SMOX: variants seen among roughly 807,000 people sequenced by gnomAD.
SMOX encodes spermine oxidase, also known as flavin containing amine oxidase.
Under a neutral mutation model 51.0 loss-of-function variants are expected in SMOX, and 22 were observed. The observed-to-expected ratio is 0.43, with a 90% confidence interval of 0.31 to 0.62. The LOEUF (loss-of-function observed/expected upper bound fraction) is 0.62. SMOX is among the 20% of genes least tolerant of loss of function. The pLI is 0.10. For missense variants in SMOX, 566 were observed against 777.7 expected (o/e 0.73, Z 3.24); for synonymous variants, 282 against 307.8 (o/e 0.92, Z 0.88).
chr20:4,156,635 C>A (rs1028506506), intron 1 of SMOX, among the ~76,000 whole-genome samples: 1 of 152,196 alleles, frequency 6.6e-6, no homozygotes, highest in Non-Finnish European at 1.5e-5. Context: ...GAGAGCCAGC[C>A]CTGGGTTCTT....
intron 1 of SMOX, among the ~76,000 whole-genome samples, chr20:4,151,643 G>T (rs898374388): frequency 6.6e-6 from 1 of 152,034 alleles, no homozygotes; most frequent in African/African-American, 2.4e-5. Flanking sequence ...TACTGGCCTG[G>T]CTTTTCTCCT....
chr20:4,183,619 A>G lies in SMOX; in HGVS notation c.1495A>G (p.Lys499Glu). Residue 499 changes from lysine to glutamate, a missense_variant, in exon 6 of 7, where the codon AAG becomes GAG. By Grantham distance (56) the Lys-to-Glu change is moderately conservative. Around this residue, in one of 3 missense-constraint regions of SMOX, gnomAD observed 347 missense variants for 481.8 expected, o/e 0.72. Transcript: ENST00000305958. This position sits in a 1 kb window ranked among gnomAD's most constrained non-coding sequence, Gnocchi z 4.3. The part of the protein sequence containing the change: ...SSGADVEKLA[K>E]PLPYTESSKT... ...CGGGGCGGATGTGGAGAAGCTGGCC[A>G]AGCCCCTGCCGTACACAGAGAGCTC... 6.2e-7 allele frequency: 1 copy of G among 1,601,638 alleles called. No homozygotes were observed. The highest frequency in any genetic ancestry group is 8.5e-7 in the Non-Finnish European group (1 of 1,173,448).
chr20:4,177,415 T>C lies in SMOX; in HGVS notation c.273T>C (p.His91=). The change falls in exon 3 of 7, where the codon CAT becomes CAC. Residue 91 remains histidine (H), a synonymous_variant. Transcript: ENST00000305958. The surrounding 1 kb of genome is among the most constrained non-coding windows in gnomAD (Gnocchi z 4.3). The stretch of plus-strand genomic sequence containing the variant: ...GCTCCCATGGGAACCCTATCTATCA[T>C]CTAGCAGAAGCCAACGGCCTCCTGG... ...IHGSHGNPIY[H]LAEANGLLEE... 6.4e-7 allele frequency: 1 copy of C among 1,559,064 alleles called. No individual in the cohort carries two copies. The highest frequency in any genetic ancestry group is 8.7e-7 in the Non-Finnish European group (1 of 1,150,566).
Position 4,183,312 on chromosome 20 carries a change from AGT to A in SMOX, c.1370-180_1370-179del. On this transcript the variant is annotated intron_variant, in intron 5 of 6. Coordinates refer to ENST00000305958, the MANE Select transcript of SMOX (RefSeq NM_175839.3). The surrounding 1 kb of genome is among the most constrained non-coding windows in gnomAD (Gnocchi z 4.3). The stretch of plus-strand genomic sequence containing the variant: ...TTGCCGGGGGTCACAGGAGGCGCTG[AGT>A]GGGTACACAGCTCGAGCCCCAGCCT... 1 of 785,274 alleles carries A rather than the reference AGT, an allele frequency of 1.3e-6. No individual in the cohort carries two copies. The highest frequency in any genetic ancestry group is 1.7e-5 in the South Asian group (1 of 59,246). The allele number at this position is 785,274 out of a possible 1,614,324, so 48.6% of individuals were successfully genotyped here. A position where few individuals can be genotyped will look rare whatever the true frequency, so the allele number is the denominator to read the frequency against.
At position 4,166,793 on chromosome 20, in the gene SMOX, A is replaced by G. The variant is rs1375399342; in HGVS notation, c.-26-8237A>G. 3.3e-5 allele frequency among the ~76,000 whole-genome samples: 5 copies of G among 152,058 alleles called. No individual in the cohort carries two copies. The highest frequency in any genetic ancestry group is 1.2e-4 in the African/African-American group (5 of 41,404). On this transcript the variant is annotated intron_variant, in intron 1 of 6. Coordinates refer to ENST00000305958, the MANE Select transcript of SMOX (RefSeq NM_175839.3). The surrounding 1 kb of genome is among the most constrained non-coding windows in gnomAD (Gnocchi z 4.2). Reference sequence around the variant, plus strand: ...CTCTGTCCCTCCATGCACTGAATCAATGGCTGCTTCTCCTTGCAACACATG... The same window carrying G: ...CTCTGTCCCTCCATGCACTGAATCAGTGGCTGCTTCTCCTTGCAACACATG...
At position 4,181,222 on chromosome 20, in the gene SMOX, C is replaced by T. The variant is rs1011586052; in HGVS notation, c.436-581C>T. Among the ~76,000 whole-genome samples, 3 of 152,298 alleles carry T rather than the reference C, an allele frequency of 2.0e-5. No individual in the cohort carries two copies. Among genetic ancestry groups the T allele is most frequent in the East Asian group, 1.9e-4 (1 of 5,182 alleles). On this transcript the variant is annotated intron_variant, in intron 3 of 6. Transcript: ENST00000305958. This position sits in a 1 kb window ranked among gnomAD's most constrained non-coding sequence, Gnocchi z 5.6. ...TTTTGTGTTCCTGTCTTCCCCACTG[C>T]GTCTCAGCTTCCTTACTCGTGGCTG...
intron 3 of SMOX, among the ~76,000 whole-genome samples, chr20:4,178,659 T>C (rs1446694521): frequency 6.6e-6 from 1 of 150,696 alleles, no homozygotes. Flanking sequence ...ACACCTATTG[T>C]GCATTTTCTT....
At chr20:4,162,441 G>A (rs1049251776) in intron 1 of SMOX, among the ~76,000 whole-genome samples, 26 of 152,242 alleles carry the variant, frequency 1.7e-4, no homozygotes, top group African/African-American at 6.3e-4. Context: ...GCCTCTGCAC[G>A]TGCAGTTTCC....
rs1056192830 is a variant in SMOX, at chr20:4,149,249, G to T, written c.-27+272G>T. ...GGGCCGGGGTGGCGGCGATCCCGGC[G>T]CCAGGGCTGCTCGGCCCGGGCCGGG... On this transcript the variant is annotated intron_variant, in intron 1 of 6. Coordinates refer to ENST00000305958, the MANE Select transcript of SMOX (RefSeq NM_175839.3). This position sits in a 1 kb window ranked among gnomAD's most constrained non-coding sequence, Gnocchi z 6.0. 6.6e-6 allele frequency among the ~76,000 whole-genome samples: 1 copy of T among 150,612 alleles called. No homozygotes were observed. Among genetic ancestry groups the T allele is most frequent in the Admixed American group, 6.6e-5 (1 of 15,156 alleles).
rs556990280 is a variant in SMOX at position 4,167,108 on chromosome 20, C to A, written c.-26-7922C>A. Among the ~76,000 whole-genome samples the A allele has an allele frequency of 6.6e-6, 1 of 152,306 alleles. No individual in the cohort carries two copies. Among genetic ancestry groups the A allele is most frequent in the Admixed American group, 6.5e-5 (1 of 15,298 alleles). ...CTAATGGCCACCACCTCTGATGCCC[C>A]TTCCCCTCAACAATGGGGAGGATGG... On this transcript the variant is annotated intron_variant, in intron 1 of 6. Transcript: ENST00000305958. This position sits in a 1 kb window ranked among gnomAD's most constrained non-coding sequence, Gnocchi z 4.8.
rs1433397980 is a variant in SMOX, at chr20:4,149,900, C to T, written c.-27+923C>T. Among the ~76,000 whole-genome samples the T allele has an allele frequency of 2.6e-5, 4 of 152,092 alleles. No individual in the cohort carries two copies. Among genetic ancestry groups the T allele is most frequent in the African/African-American group, 9.7e-5 (4 of 41,418 alleles). On this transcript the variant is annotated intron_variant, in intron 1 of 6. Transcript: ENST00000305958. The surrounding 1 kb of genome is among the most constrained non-coding windows in gnomAD (Gnocchi z 6.0). Reference sequence around the variant, plus strand: ...TGGGGTTACCGGGAGCGACGCGGGCCGGGGTGCCATGCATCCGAAAGTGTG... The same window carrying T: ...TGGGGTTACCGGGAGCGACGCGGGCTGGGGTGCCATGCATCCGAAAGTGTG...
intron 1 of SMOX, among the ~76,000 whole-genome samples, chr20:4,165,431 C>T (rs1311595978): frequency 1.3e-5 from 2 of 152,180 alleles, no homozygotes; most frequent in Non-Finnish European, 2.9e-5. Flanking sequence ...ACCTCCTGAC[C>T]TCAAGCAATC....
chr20:4,155,275 G>A (rs1275879522), intron 1 of SMOX, among the ~76,000 whole-genome samples: 1 of 152,176 alleles, frequency 6.6e-6, no homozygotes, highest in African/African-American at 2.4e-5. Context: ...CATCACCCCA[G>A]CGTGTGCAGT....
rs1979482535 is a variant in SMOX, at chr20:4,183,198, G to A, written c.1370-296G>A. ...CATTTTTCACCCACTATTCCAGGAG[G>A]ACCTCACGAGAACCCCCGATATTAG... On this transcript the variant is annotated intron_variant, in intron 5 of 6. Coordinates refer to ENST00000305958, the MANE Select transcript of SMOX (RefSeq NM_175839.3). This position sits in a 1 kb window ranked among gnomAD's most constrained non-coding sequence, Gnocchi z 4.3. The A allele has an allele frequency of 1.8e-6, 1 of 566,818 alleles. No individual in the cohort carries two copies. The highest frequency in any genetic ancestry group is 3.1e-5 in the East Asian group (1 of 32,672). The allele number at this position is 566,818 out of a possible 1,614,324, so 35.1% of individuals were successfully genotyped here. A position where few individuals can be genotyped will look rare whatever the true frequency, so the allele number is the denominator to read the frequency against.
Position 4,182,826 on chromosome 20 carries a change from G to T in SMOX, c.1347G>T (p.Thr449=). The T allele has an allele frequency of 6.2e-7, 1 of 1,608,286 alleles. No homozygotes were observed. The highest frequency in any genetic ancestry group is 2.2e-5 in the East Asian group (1 of 44,866). Residue 449 remains threonine (T), a synonymous_variant, in exon 5 of 7, where the codon ACG becomes ACT. Coordinates refer to ENST00000305958, the MANE Select transcript of SMOX (RefSeq NM_175839.3). This position sits in a 1 kb window ranked among gnomAD's most constrained non-coding sequence, Gnocchi z 8.4. ...ACGAGGCAGTGGCCGAGATCTGCAC[G>T]GAGATGCTGCGTCAGTTCACAGGTG... The part of the protein sequence containing the change: ...CDDEAVAEIC[T]EMLRQFTGNP...
At position 4,182,127 on chromosome 20, in the gene SMOX, G is replaced by A. The variant is rs1208542065; in HGVS notation, c.648G>A (p.Glu216=). 6.2e-7 allele frequency: 1 copy of A among 1,606,788 alleles called. No individual in the cohort carries two copies. Among genetic ancestry groups the A allele is most frequent in the South Asian group, 1.1e-5 (1 of 90,250 alleles). ...SCESSSHSMD[E]VSLSAFGEWT... ...AGAGCAGCTCACACAGCATGGACGA[G>A]GTGTCCCTGAGCGCCTTCGGGGAGT... Residue 216 remains glutamate (E), a synonymous_variant, in exon 5 of 7, where the codon GAG becomes GAA. Coordinates refer to ENST00000305958, the MANE Select transcript of SMOX (RefSeq NM_175839.3). The surrounding 1 kb of genome is among the most constrained non-coding windows in gnomAD (Gnocchi z 8.4).
chr20:4,156,079 A>G (rs1986010035), intron 1 of SMOX, among the ~76,000 whole-genome samples: 1 of 152,212 alleles, frequency 6.6e-6, no homozygotes, highest in South Asian at 2.1e-4. Flanking sequence ...TTCAGGGGAC[A>G]AATAAGGGTA....
At chr20:4,150,038 G>A (rs1041085126) in intron 1 of SMOX, among the ~76,000 whole-genome samples, 28 of 152,274 alleles carry the variant, frequency 1.8e-4, no homozygotes, top group African/African-American at 5.3e-4. Flanking sequence ...GGACTCCAAG[G>A]TCCTCTCCCT....
chr20:4,179,128 T>G (rs1765017), intron 3 of SMOX, among the ~76,000 whole-genome samples: 82,154 of 152,018 alleles, frequency 0.54, 22,802 homozygotes, highest in African/African-American at 0.66. Context: ...CTCACTCATG[T>G]GCAAAGAGAC....
Sources: gnomAD v4.1 joint callset for allele counts (sites outside exome capture counted in the v4.1 genomes callset) on GRCh38, gnomAD v4.1.1 for gene constraint, gnomAD v4.1.1 regional missense constraint, Gnocchi (gnomAD v3.1) non-coding constraint, MANE v1.5 for transcripts, NCBI Gene and HGNC (gene_info 2026-07-23, HGNC 2026-07-21) for gene names.